FAT3: variants seen among roughly 807,000 people sequenced by gnomAD.
FAT3 encodes FAT atypical cadherin 3.
A neutral mutation model predicts 310.2 loss-of-function variants in FAT3; 95 were observed. The observed-to-expected ratio is 0.31, with a 90% CI of 0.26 to 0.36. The LOEUF is 0.36. FAT3 is among the 10% of genes least tolerant of loss of function. The pLI is 1.00. For synonymous variants in FAT3, 2,314 were observed against 2,192.9 expected, an observed-to-expected ratio of 1.06 and a Z score of -1.54; for missense variants, 5,408 against 5,715.6, an observed-to-expected ratio of 0.95 and a Z score of 1.74.
intron 1 of FAT3, among the ~76,000 whole-genome samples, chr11:92,269,787 T>C (rs1350574394): frequency 2.0e-5 from 3 of 152,074 alleles, no homozygotes; most frequent in Non-Finnish European, 2.9e-5. Context: ...TCCCAAGAAC[T>C]CCATTATCTT....
rs1174816000 is a variant in FAT3, at chr11:92,880,893, G to A, written c.12281+9G>A. Reference sequence around the variant, plus strand: ...GGGCTCACTGGAGTCACGTAAGTGAGATTACATAAGTGTCTTTCTCTACAC... The same window carrying A: ...GGGCTCACTGGAGTCACGTAAGTGAAATTACATAAGTGTCTTTCTCTACAC... On this transcript the variant is annotated intron_variant, in intron 23 of 27. Coordinates refer to ENST00000525166, the MANE Select transcript of FAT3 (RefSeq NM_001367949.2). 9.3e-6 allele frequency: 15 copies of A among 1,612,288 alleles called. No homozygotes were observed. The highest frequency in any genetic ancestry group is 1.3e-5 in the Non-Finnish European group (15 of 1,179,204).
chr11:92,805,141 T>A lies in FAT3; in HGVS notation c.8897-12T>A. 1 of 1,601,136 alleles carries A rather than the reference T, an allele frequency of 6.2e-7. No homozygotes were observed. Among genetic ancestry groups the A allele is most frequent in the Non-Finnish European group, 8.5e-7 (1 of 1,173,150 alleles). Reference sequence around the variant, plus strand: ...CACATCTTCAAAAGCTCTTTTGTTTTTTTAACTGCAGGAGGAAACCCTCGA... The same window carrying A: ...CACATCTTCAAAAGCTCTTTTGTTTATTTAACTGCAGGAGGAAACCCTCGA... On this transcript the variant is annotated splice_polypyrimidine_tract_variant and intron_variant, in intron 10 of 27. Coordinates refer to ENST00000525166, the MANE Select transcript of FAT3 (RefSeq NM_001367949.2).
At chr11:92,729,894 A>G (rs1244728111) in intron 4 of FAT3, among the ~76,000 whole-genome samples, 3 of 152,332 alleles carry the variant, frequency 2.0e-5, no homozygotes, top group East Asian at 3.9e-4. Flanking sequence ...AGACTACTCT[A>G]AAATTTACTT....
At position 92,621,233 on chromosome 11, in the gene FAT3, A is replaced by G. The variant is rs76950431; in HGVS notation, c.3608-76151A>G. ...CTCCTTCCCAGTCAGCCAAGGGGAA[A>G]TAGTTACATATGCTCTGGGTTGATC... On this transcript the variant is annotated intron_variant, in intron 3 of 27. Transcript: ENST00000525166. Among the ~76,000 whole-genome samples, 1,081 of 152,284 alleles carry G rather than the reference A, an allele frequency of 7.1e-3. 14 individuals carry two copies. Among genetic ancestry groups the G allele is most frequent in the African/African-American group, 0.025 (1,019 of 41,552 alleles).
chr11:92,540,695 GC>G (rs1395476059), intron 3 of FAT3, among the ~76,000 whole-genome samples: 1 of 152,118 alleles, frequency 6.6e-6, no homozygotes, highest in Non-Finnish European at 1.5e-5. Flanking sequence ...TAGTGTTCAT[GC>G]TTGGTGCCCT....
intron 3 of FAT3, among the ~76,000 whole-genome samples, chr11:92,688,280 G>A (rs951984993): frequency 2.0e-5 from 3 of 152,032 alleles, no homozygotes; most frequent in African/African-American, 4.8e-5. Context: ...GGAAGGATTC[G>A]GATCAGAACG....
At chr11:92,663,213 T>C (rs191670500) in intron 3 of FAT3, among the ~76,000 whole-genome samples, 164 of 152,236 alleles carry the variant, frequency 1.1e-3, no homozygotes, top group African/African-American at 3.9e-3. Context: ...TTCCAAGCTT[T>C]GGAAATAAGA....
intron 4 of FAT3, among the ~76,000 whole-genome samples, chr11:92,747,875 G>A (rs547097625): frequency 6.6e-4 from 101 of 152,158 alleles, no homozygotes; most frequent in African/African-American, 1.9e-3. Flanking sequence ...TGTCCATATC[G>A]CCATCAGCAT....
At chr11:92,285,401 G>A (rs1946536063) in intron 1 of FAT3, among the ~76,000 whole-genome samples, 3 of 152,138 alleles carry the variant, frequency 2.0e-5, no homozygotes, top group African/African-American at 4.8e-5. Flanking sequence ...TCGTTCTATT[G>A]TGGAAAAAAG....
chr11:92,850,093 G>A (rs537252114), intron 19 of FAT3, among the ~76,000 whole-genome samples: 2 of 152,312 alleles, frequency 1.3e-5, no homozygotes, highest in Non-Finnish European at 2.9e-5. Context: ...TAGCAGAGAA[G>A]AATCTGAAAT....
chr11:92,236,281 G>T (rs1864416345), intron 1 of FAT3, among the ~76,000 whole-genome samples: 1 of 152,038 alleles, frequency 6.6e-6, no homozygotes. Context: ...TACAGTTTCT[G>T]GTACATAATA....
intron 3 of FAT3, among the ~76,000 whole-genome samples, chr11:92,680,231 A>G (rs1331287605): frequency 1.3e-5 from 2 of 151,666 alleles, no homozygotes; most frequent in East Asian, 3.9e-4. Flanking sequence ...TAGTATTTTT[A>G]TAATTTCAGA....
intron 3 of FAT3, among the ~76,000 whole-genome samples, chr11:92,536,685 T>C (rs1188502162): frequency 6.6e-6 from 1 of 152,204 alleles, no homozygotes. Flanking sequence ...TTTCAAATTA[T>C]GAAGAACATT....
chr11:92,267,005 C>T (rs1945978180), intron 1 of FAT3, among the ~76,000 whole-genome samples: 1 of 152,108 alleles, frequency 6.6e-6, no homozygotes, highest in African/African-American at 2.4e-5. Flanking sequence ...TGGACTTTGC[C>T]ACTGCTCCAG....
At chr11:92,400,099 C>T (rs918964835) in intron 2 of FAT3, 1 of 152,188 alleles carries the variant, frequency 6.6e-6, no homozygotes, top group Non-Finnish European at 1.5e-5. Flanking sequence ...AGTGGAGTAG[C>T]TTTCTCTATT....
intron 22 of FAT3, among the ~76,000 whole-genome samples, chr11:92,876,052 C>T (rs921835340): frequency 2.0e-5 from 3 of 152,138 alleles, no homozygotes; most frequent in Admixed American, 6.5e-5. Flanking sequence ...TGACCCTCCC[C>T]TGCCCCCAGG....
intron 7 of FAT3, among the ~76,000 whole-genome samples, chr11:92,787,074 C>T (rs1296551326): frequency 6.6e-6 from 1 of 152,106 alleles, no homozygotes; most frequent in African/African-American, 2.4e-5. Context: ...AGTAACAGCC[C>T]TCCTCCAAGT....
rs748081064 is a variant in FAT3, at chr11:92,352,844, T to A, written c.732T>A (p.Asn244Lys). The change falls in exon 2 of 28, where the codon AAT becomes AAA. Residue 244 changes from asparagine to lysine, a missense_variant. Asn to Lys is a moderately conservative substitution (Grantham distance 94, BLOSUM62 0). Transcript: ENST00000525166. ...VDRGMKLYGN[N>K]GVSSTAKLYV... is the part of the protein sequence containing the mutation. ...GGGGAATGAAACTGTATGGGAACAA[T>A]GGAGTGAGCAGTACTGCAAAGCTTT... 1 of 1,613,872 alleles carries A rather than the reference T, an allele frequency of 6.2e-7. No individual in the cohort carries two copies. The highest frequency in any genetic ancestry group is 1.7e-5 in the Admixed American group (1 of 59,994).
intron 3 of FAT3, among the ~76,000 whole-genome samples, chr11:92,689,180 A>G (rs1267950705): frequency 6.6e-6 from 1 of 152,148 alleles, no homozygotes; most frequent in Non-Finnish European, 1.5e-5. Flanking sequence ...GGGATGGGAA[A>G]TCAGGCAGTC....
Sources: allele counts gnomAD v4.1 joint callset (sites outside exome capture counted in the v4.1 genomes callset), GRCh38; gene constraint gnomAD v4.1.1; transcripts MANE v1.5; gene names NCBI Gene and HGNC (gene_info 2026-07-23, HGNC 2026-07-21).